NEURL1B: variants seen among roughly 807,000 people sequenced by gnomAD.
NEURL1B encodes E3 ubiquitin-protein ligase NEURL1B.
Under a neutral mutation model 37.4 loss-of-function variants are expected in NEURL1B, and 13 were observed. That is an observed-to-expected ratio of 0.35 (90% CI 0.23 to 0.55). NEURL1B has a LOEUF of 0.55. Ranked by LOEUF, NEURL1B falls within the 20% of genes least tolerant of loss-of-function variation. NEURL1B has a pLI of 0.89. For synonymous variants in NEURL1B, 432 were observed against 426.6 expected, an observed-to-expected ratio of 1.01 and a Z score of -0.16; for missense variants, 790 against 879.2, an observed-to-expected ratio of 0.90 and a Z score of 1.28.
intron 2 of NEURL1B, among the ~76,000 whole-genome samples, chr5:172,672,695 T>C (rs6556040): frequency 0.21 from 31,517 of 152,042 alleles, 4,517 homozygotes; most frequent in African/African-American, 0.42. Context: ...GAGCTGTGCT[T>C]ATTGATGGAA....
intron 2 of NEURL1B, among the ~76,000 whole-genome samples, chr5:172,672,536 A>ACG (rs760924991): frequency 3.5e-4 from 27 of 77,348 alleles, no homozygotes; most frequent in Middle Eastern, 6.8e-3. Flanking sequence ...TGTGAGGTGA[A>ACG]CTCTCCCCCC....
chr5:172,659,273 T>A (rs1189499429), intron 1 of NEURL1B, among the ~76,000 whole-genome samples: 1 of 152,118 alleles, frequency 6.6e-6, no homozygotes, highest in Admixed American at 6.5e-5. Context: ...AGTGGGTCTA[T>A]TGTGCCAAAA....
chr5:172,682,241 A>G (rs540150257), intron 2 of NEURL1B, among the ~76,000 whole-genome samples: 39 of 152,360 alleles, frequency 2.6e-4, no homozygotes, highest in Non-Finnish European at 1.3e-4. Flanking sequence ...AAATCACTAA[A>G]AAGTACTTTA....
chr5:172,654,020 A>G (rs1757717468), intron 1 of NEURL1B, among the ~76,000 whole-genome samples: 1 of 152,200 alleles, frequency 6.6e-6, no homozygotes, highest in Non-Finnish European at 1.5e-5. Context: ...GATGATAACC[A>G]TTCTTTTCCA....
At position 172,647,902 on chromosome 5, in the gene NEURL1B, G is replaced by A. The variant is rs1303071624; in HGVS notation, c.31+6465G>A. Reference sequence around the variant, plus strand: ...CATGCTGACACCCCCAGCCCCCAATGGCAAGCATCACAGTGCTCCCAATAC... The same window carrying A: ...CATGCTGACACCCCCAGCCCCCAATAGCAAGCATCACAGTGCTCCCAATAC... On this transcript the variant is annotated intron_variant, in intron 1 of 4. Transcript: ENST00000369800. This position sits in a 1 kb window ranked among gnomAD's most constrained non-coding sequence, Gnocchi z 4.2. 6.6e-6 allele frequency among the ~76,000 whole-genome samples: 1 copy of A among 152,062 alleles called. No homozygotes were observed. The highest frequency in any genetic ancestry group is 6.5e-5 in the Admixed American group (1 of 15,276).
At chr5:172,672,899 A>G (rs1213614165) in intron 2 of NEURL1B, among the ~76,000 whole-genome samples, 1 of 152,240 alleles carries the variant, frequency 6.6e-6, no homozygotes, top group African/African-American at 2.4e-5. Context: ...CACCTTTAAA[A>G]AATACATATA....
Position 172,683,822 on chromosome 5 carries a change from G to A in NEURL1B, c.981G>A (p.Val327=), listed in dbSNP as rs1303670362. The change falls in exon 3 of 5, where the codon GTG becomes GTA. Residue 327 remains valine (V), a synonymous_variant. Coordinates refer to ENST00000369800, the MANE Select transcript of NEURL1B (RefSeq NM_001142651.3). The surrounding 1 kb of genome is among the most constrained non-coding windows in gnomAD (Gnocchi z 5.6). ...LRPGESLFVE[V]GRPGLAAPGA... ...CCGGCGAGAGCCTCTTCGTGGAGGT[G>A]GGCCGTCCGGGGCTGGCGGCGCCCG... 2.0e-5 allele frequency: 26 copies of A among 1,316,228 alleles called. No individual in the cohort carries two copies. The East Asian group carries it at 7.2e-4, about 37-fold the overall frequency. 81.5% of individuals were successfully genotyped at this position (1,316,228 alleles called of 1,614,324 possible).
chr5:172,665,845 C>T lies in NEURL1B; in HGVS notation c.32-3940C>T, dbSNP rs530201017. 3.3e-5 allele frequency among the ~76,000 whole-genome samples: 5 copies of T among 152,296 alleles called. No homozygotes were observed. In the East Asian group the frequency reaches 5.8e-4, roughly 18 times the overall value. On this transcript the variant is annotated intron_variant, in intron 1 of 4. Coordinates refer to ENST00000369800, the MANE Select transcript of NEURL1B (RefSeq NM_001142651.3). This position sits in a 1 kb window ranked among gnomAD's most constrained non-coding sequence, Gnocchi z 4.1. The stretch of plus-strand genomic sequence containing the variant: ...AGGCCCCTAGTCCCCCCGGTGCCAT[C>T]GCCTGAGATGGTCTTTATCACGCCT...
In NEURL1B at chr5:172,686,819, T is replaced by C. The variant is rs1758510560; in HGVS notation, c.1562T>C (p.Met521Thr). The change falls in exon 5 of 5, where the codon ATG becomes ACG. Residue 521 changes from methionine (M) to threonine (T), a missense_variant. Physicochemically the swap from Met to Thr is moderately conservative, Grantham distance 81. Around this residue, in one of 3 missense-constraint regions of NEURL1B, gnomAD observed 115 missense variants for 162.6 expected, o/e 0.71. Transcript: ENST00000369800. This position sits in a 1 kb window ranked among gnomAD's most constrained non-coding sequence, Gnocchi z 7.9. ...ACGGTCATCTACACGTGTGGACACA[T>C]GTGCCTGTGCCACAGCTGCGGCCTG... is the stretch of plus-strand genomic sequence containing the variant. ...VDTVIYTCGH[M>T]CLCHSCGLRL... 1.3e-6 allele frequency: 2 copies of C among 1,551,744 alleles called. No individual in the cohort carries two copies. Among genetic ancestry groups the C allele is most frequent in the African/African-American group, 1.4e-5 (1 of 73,176 alleles).
chr5:172,672,545 C>CA (rs1554098453), intron 2 of NEURL1B, among the ~76,000 whole-genome samples: 1 of 130,610 alleles, frequency 7.7e-6, no homozygotes, highest in African/African-American at 2.6e-5. Flanking sequence ...AACTCTCCCC[C>CA]CCCCACTCTA....
In NEURL1B at chr5:172,683,972, G is replaced by A. The variant is rs145984019; in HGVS notation, c.1131G>A (p.Val377=). ...GGGTGGTGGCGCGCGCCGGGCCCGT[G>A]CCGAGCGGCGGCGACGCGCTCAGCT... ...EYWVVARAGP[V]PSGGDALSFT... Residue 377 remains valine, a synonymous_variant, in exon 3 of 5, where the codon GTG becomes GTA. Transcript: ENST00000369800. This position sits in a 1 kb window ranked among gnomAD's most constrained non-coding sequence, Gnocchi z 5.6. The A allele has an allele frequency of 8.9e-3, 11,708 of 1,320,726 alleles. 633 individuals are homozygous for A. In the African/African-American group the frequency reaches 0.14, roughly 15 times the overall value. The allele number at this position is 1,320,726 out of a possible 1,614,324, so 81.8% of individuals were successfully genotyped here.
At chr5:172,659,046 C>CCCCG (rs1554097753) in intron 1 of NEURL1B, among the ~76,000 whole-genome samples, 4 of 135,730 alleles carry the variant, frequency 2.9e-5, no homozygotes, top group African/African-American at 1.1e-4. Context: ...CCCCCCCCCC[C>CCCCG]CAAAGCTTCC....
At chr5:172,674,281 A>G (rs906425849) in intron 2 of NEURL1B, among the ~76,000 whole-genome samples, 56 of 152,168 alleles carry the variant, frequency 3.7e-4, no homozygotes, top group African/African-American at 1.3e-3. Flanking sequence ...TCTCAGAAAT[A>G]AAAAAGGGCT....
chr5:172,669,939 C>G lies in NEURL1B; in HGVS notation c.186C>G (p.Arg62=). ...GCCACTCGCGCCGGGCCACACGGCGCAACAGCTTCTGCAATGGCGTCACGT... is the reference window on the plus strand; with the variant it reads ...GCCACTCGCGCCGGGCCACACGGCGGAACAGCTTCTGCAATGGCGTCACGT... ...LDGHSRRATR[R]NSFCNGVTFT... The change falls in exon 2 of 5, where the codon CGC becomes CGG. Residue 62 remains arginine, a synonymous_variant. Transcript: ENST00000369800. 6.9e-7 allele frequency: 1 copy of G among 1,458,932 alleles called. No homozygotes were observed. Among genetic ancestry groups the G allele is most frequent in the Non-Finnish European group, 9.0e-7 (1 of 1,110,702 alleles). The allele number at this position is 1,458,932 out of a possible 1,614,324, so 90.4% of individuals were successfully genotyped here. A position where few individuals can be genotyped will look rare whatever the true frequency, so the allele number is the denominator to read the frequency against.
chr5:172,685,762 T>G (rs958268336), intron 3 of NEURL1B, among the ~76,000 whole-genome samples: 1 of 152,200 alleles, frequency 6.6e-6, no homozygotes, highest in Admixed American at 6.5e-5. Flanking sequence ...CCAGGCTTCC[T>G]TCCCAATGAA....
At chr5:172,646,791 C>G (rs1384349390) in intron 1 of NEURL1B, among the ~76,000 whole-genome samples, 1 of 151,860 alleles carries the variant, frequency 6.6e-6, no homozygotes, top group African/African-American at 2.4e-5. Flanking sequence ...GAAGAGACAT[C>G]AGCTAGGAGA....
Position 172,683,166 on chromosome 5 carries a change from C to G in NEURL1B, c.578-253C>G, listed in dbSNP as rs1002519300. ...AAAGGAGGAGGCAGGGGAAAAAGGGCCTTATCTGCCGCTCCCAAAGGTAAG... is the reference window on the plus strand; with the variant it reads ...AAAGGAGGAGGCAGGGGAAAAAGGGGCTTATCTGCCGCTCCCAAAGGTAAG... On this transcript the variant is annotated intron_variant, in intron 2 of 4. Coordinates refer to ENST00000369800, the MANE Select transcript of NEURL1B (RefSeq NM_001142651.3). This position sits in a 1 kb window ranked among gnomAD's most constrained non-coding sequence, Gnocchi z 5.6. Among the ~76,000 whole-genome samples, 1 of 152,116 alleles carries G rather than the reference C, an allele frequency of 6.6e-6. No individual in the cohort carries two copies. Among genetic ancestry groups the G allele is most frequent in the Non-Finnish European group, 1.5e-5 (1 of 68,004 alleles).
At chr5:172,650,702 G>T (rs1028646409) in intron 1 of NEURL1B, among the ~76,000 whole-genome samples, 5 of 152,226 alleles carry the variant, frequency 3.3e-5, no homozygotes, top group African/African-American at 1.2e-4. Flanking sequence ...CTATAGAAGG[G>T]TATGCCCTTA....
Position 172,673,350 on chromosome 5 carries a change from A to G in NEURL1B, c.577+3020A>G, listed in dbSNP as rs368096697. 1.1e-4 allele frequency among the ~76,000 whole-genome samples: 17 copies of G among 152,242 alleles called. No individual in the cohort carries two copies. The East Asian group carries it at 2.7e-3, about 24-fold the overall frequency. ...TAAAGAGACAGCCAGTTTCTGTGCT[A>G]TCCTGAGCACTCTGAACTCCTTTCC... On this transcript the variant is annotated intron_variant, in intron 2 of 4. Transcript: ENST00000369800.
Sources: allele counts gnomAD v4.1 joint callset (sites outside exome capture counted in the v4.1 genomes callset), GRCh38; gene constraint gnomAD v4.1.1; regional missense constraint gnomAD v4.1.1; non-coding constraint Gnocchi (gnomAD v3.1); transcripts MANE v1.5; gene names NCBI Gene and HGNC (gene_info 2026-07-23, HGNC 2026-07-21).